The following WDR91 variants were observed in gnomAD, a reference collection of about 807,000 sequenced individuals.
WDR91 encodes WD repeat domain 91.
A neutral mutation model predicts 88.4 loss-of-function variants in WDR91; 52 were observed. That is an observed-to-expected ratio of 0.59 (90% confidence interval 0.47 to 0.74). WDR91 has a LOEUF of 0.74. WDR91 is among the 30% of genes least tolerant of loss of function. WDR91 has a pLI of 0.00. For missense variants in WDR91, 824 were observed against 954.5 expected (o/e 0.86, Z 1.80); for synonymous variants, 362 against 389.5 (o/e 0.93, Z 0.83).
In WDR91 at chr7:135,209,651, CAA is replaced by C; in HGVS notation, c.226_227del (p.Leu76GlyfsTer30). 1 of 1,613,604 alleles carries C rather than the reference CAA, an allele frequency of 6.2e-7. No individual in the cohort carries two copies. ...GGATTGTGGGTCTGTATATATCCTC[CAA>C]GCGGCTGAAGAGCCGACGCTCCAAG... Reference protein sequence around the residue: ...SYLERRLFSRLEDIYRPTIHK... With the variant: ...SYLERRLFSRXEDIYRPTIHK... On this transcript the variant is annotated frameshift_variant, in exon 2 of 15. Coordinates refer to ENST00000354475, the MANE Select transcript of WDR91 (RefSeq NM_014149.4). LOFTEE classifies it high-confidence loss of function.
chr7:135,203,556 T>C (rs781650504), intron 6 of WDR91, among the ~76,000 whole-genome samples: 36 of 152,138 alleles, frequency 2.4e-4, no homozygotes, highest in Non-Finnish European at 4.7e-4. Context: ...AAGTGAGAAA[T>C]AGTGAAAATC....
chr7:135,204,761 T>C (rs897224473), intron 5 of WDR91, among the ~76,000 whole-genome samples: 3 of 152,158 alleles, frequency 2.0e-5, no homozygotes, highest in Non-Finnish European at 4.4e-5. Context: ...AGATGTAAAA[T>C]TGACACTGGA....
At chr7:135,210,339 G>C (rs1415983696) in intron 1 of WDR91, among the ~76,000 whole-genome samples, 1 of 151,938 alleles carries the variant, frequency 6.6e-6, no homozygotes, top group Non-Finnish European at 1.5e-5. Context: ...GACAGAGTGA[G>C]ACTTTCTGTC....
At position 135,211,477 on chromosome 7, in the gene WDR91, T is replaced by A. The variant is rs771606045; in HGVS notation, c.26A>T (p.Asp9Val). Residue 9 changes from aspartate to valine, a missense_variant, in exon 1 of 15, where the codon GAC becomes GTC. Coordinates refer to ENST00000354475, the MANE Select transcript of WDR91 (RefSeq NM_014149.4). MAEAVERTDELVREYLLFR... is the reference protein window; with the variant it reads MAEAVERTVELVREYLLFR... Reference sequence around the variant, plus strand: ...GAGCAGGTACTCCCGGACCAGCTCGTCAGTGCGCTCCACGGCCTCCGCCAT... The same window carrying A: ...GAGCAGGTACTCCCGGACCAGCTCGACAGTGCGCTCCACGGCCTCCGCCAT... 1.2e-6 allele frequency: 2 copies of A among 1,611,724 alleles called. No homozygotes were observed. Among genetic ancestry groups the A allele is most frequent in the Non-Finnish European group, 1.7e-6 (2 of 1,179,140 alleles).
At chr7:135,189,797 T>A (rs1187598098) in intron 11 of WDR91, among the ~76,000 whole-genome samples, 5 of 152,098 alleles carry the variant, frequency 3.3e-5, no homozygotes, top group Non-Finnish European at 7.4e-5. Flanking sequence ...CCTCAGAAAA[T>A]AACACTTCAT....
At position 135,196,357 on chromosome 7, in the gene WDR91, G is replaced by A. The variant is rs1199041349; in HGVS notation, c.1051-20C>T. On this transcript the variant is annotated intron_variant, in intron 7 of 14. Transcript: ENST00000354475. This position sits in a 1 kb window ranked among gnomAD's most constrained non-coding sequence, Gnocchi z 4.2. Reference sequence around the variant, plus strand: ...TGCACACTGTCACAAGCAGGGTGGGGACAAGTCAGCCAGGAAAGGGTCCCC... The same window carrying A: ...TGCACACTGTCACAAGCAGGGTGGGAACAAGTCAGCCAGGAAAGGGTCCCC... The A allele has an allele frequency of 1.3e-6, 2 of 1,499,926 alleles. No homozygotes were observed. The highest frequency in any genetic ancestry group is 1.3e-5 in the South Asian group (1 of 75,966). The allele number at this position is 1,499,926 out of a possible 1,614,324, so 92.9% of individuals were successfully genotyped here. A position where few individuals can be genotyped will look rare whatever the true frequency, so the allele number is the denominator to read the frequency against.
intron 6 of WDR91, chr7:135,202,346 A>C (rs894223474): frequency 6.6e-6 from 1 of 152,252 alleles, no homozygotes; most frequent in Non-Finnish European, 1.5e-5. Flanking sequence ...ATCATCTACC[A>C]TTAATAAAAA....
At position 135,195,084 on chromosome 7, in the gene WDR91, T is replaced by G; in HGVS notation, c.1245A>C (p.Arg415Ser). Residue 415 changes from arginine to serine, a missense_variant and splice_region_variant, in exon 9 of 15, where the codon AGA (arginine) becomes AGC (serine). Transcript: ENST00000354475. ...CGACTCTCCTCCCAGAGCAGTCCAC[T>G]CTGAGATGAGAGAAAAGGGAGGCCT... ...GEHHSSIMHC[R>S]VDCSGRRVAS... is the part of the protein sequence containing the mutation. 1.2e-6 allele frequency: 2 copies of G among 1,612,144 alleles called. No homozygotes were observed. The highest frequency in any genetic ancestry group is 3.6e-4 in the Middle Eastern group (2 of 5,596).
chr7:135,195,911 C>T (rs1318050057), intron 8 of WDR91, among the ~76,000 whole-genome samples: 1 of 151,730 alleles, frequency 6.6e-6, no homozygotes, highest in Non-Finnish European at 1.5e-5. Flanking sequence ...CGTGCCACTG[C>T]ACTCCAGCCT....
At position 135,196,339 on chromosome 7, in the gene WDR91, T is replaced by C; in HGVS notation, c.1051-2A>G. On this transcript the variant is annotated splice_acceptor_variant, in intron 7 of 14. Transcript: ENST00000354475. LOFTEE classifies it high-confidence loss of function. This position sits in a 1 kb window ranked among gnomAD's most constrained non-coding sequence, Gnocchi z 4.2. ...GGCTTCTGGTTTCTTCTCTGCACACTGTCACAAGCAGGGTGGGGACAAGTC... is the reference window on the plus strand; with the variant it reads ...GGCTTCTGGTTTCTTCTCTGCACACCGTCACAAGCAGGGTGGGGACAAGTC... 6.5e-7 allele frequency: 1 copy of C among 1,533,256 alleles called. No homozygotes were observed. Among genetic ancestry groups the C allele is most frequent in the East Asian group, 2.4e-5 (1 of 41,572 alleles). The allele number at this position is 1,533,256 out of a possible 1,614,324, so 95.0% of individuals were successfully genotyped here.
chr7:135,200,137 T>C (rs1831518727), intron 6 of WDR91: 1 of 152,230 alleles, frequency 6.6e-6, no homozygotes, highest in Non-Finnish European at 1.5e-5. Context: ...TAACAAAAGA[T>C]AATAATATAT....
At chr7:135,189,202 A>C in intron 12 of WDR91, 142 bp downstream of exon 12, 1 of 645,242 alleles carries the variant, frequency 1.5e-6, no homozygotes, top group Non-Finnish European at 2.7e-6. Context: ...ACGTTGACCA[A>C]AGTTAAGCTG....
chr7:135,204,335 C>T lies in WDR91; in HGVS notation c.824G>A (p.Arg275Lys). ...LLPQSKKSPS[R>K]LSPAQGPPQP... ...AGGAGGGCCCTGAGCAGGCGACAAC[C>T]TTGAGGGGCTCTTCTTACTCTGAGG... is the stretch of plus-strand genomic sequence containing the variant. Residue 275 changes from arginine (R) to lysine (K), a missense_variant, in exon 6 of 15, where the codon AGG becomes AAG. By Grantham distance (26) the Arg-to-Lys change is conservative (BLOSUM62 2). Transcript: ENST00000354475. 1 of 1,614,160 alleles carries T rather than the reference C, an allele frequency of 6.2e-7. No homozygotes were observed. Among genetic ancestry groups the T allele is most frequent in the Non-Finnish European group, 8.5e-7 (1 of 1,180,032 alleles).
At position 135,211,476 on chromosome 7, in the gene WDR91, G is replaced by A. The variant is rs748121110; in HGVS notation, c.27C>T (p.Asp9=). 1.9e-6 allele frequency: 3 copies of A among 1,611,880 alleles called. No homozygotes were observed. The highest frequency in any genetic ancestry group is 1.3e-5 in the African/African-American group (1 of 74,690). Residue 9 remains aspartate (D), a synonymous_variant, in exon 1 of 15, where the codon GAC becomes GAT. Coordinates refer to ENST00000354475, the MANE Select transcript of WDR91 (RefSeq NM_014149.4). The stretch of plus-strand genomic sequence containing the variant: ...AGAGCAGGTACTCCCGGACCAGCTC[G>A]TCAGTGCGCTCCACGGCCTCCGCCA... MAEAVERT[D]ELVREYLLFR... is the part of the protein sequence containing the mutation.
intron 11 of WDR91, among the ~76,000 whole-genome samples, chr7:135,191,016 G>A (rs1296539566): frequency 1.3e-5 from 2 of 152,138 alleles, no homozygotes; most frequent in Non-Finnish European, 2.9e-5. Context: ...AATTTCAAAA[G>A]TTAAGAACCA....
chr7:135,188,458 A>G lies in WDR91; in HGVS notation c.1856T>C (p.Val619Ala), dbSNP rs1175728751. 3.1e-6 allele frequency: 5 copies of G among 1,614,072 alleles called. No individual in the cohort carries two copies. Among genetic ancestry groups the G allele is most frequent in the Non-Finnish European group, 4.2e-6 (5 of 1,179,990 alleles). ...SVEFSYDENT[V>A]YSIGEDGKFI... The stretch of plus-strand genomic sequence containing the variant: ...CTTCCCGTCCTCGCCGATGCTGTAC[A>G]CGGTGTTCTCATCATAGCTGAACTC... The change falls in exon 13 of 15, where the codon GTG becomes GCG. Residue 619 changes from valine to alanine, a missense_variant. Val to Ala is a moderately conservative substitution (Grantham distance 64). Coordinates refer to ENST00000354475, the MANE Select transcript of WDR91 (RefSeq NM_014149.4).
intron 1 of WDR91, 63 bp downstream of exon 1, chr7:135,211,317 G>T: frequency 1.3e-6 from 2 of 1,552,672 alleles, no homozygotes; most frequent in Non-Finnish European, 8.7e-7. Context: ...AGTGCTGGGG[G>T]GAAGCCCGCT....
intron 12 of WDR91, among the ~76,000 whole-genome samples, 180 bp downstream of exon 12, chr7:135,189,164 C>T (rs558121276): frequency 7.2e-4 from 109 of 152,284 alleles, no homozygotes; most frequent in African/African-American, 2.2e-3. Context: ...TAACTATGGG[C>T]GAGTTTATTA....
In WDR91 at chr7:135,209,686, A is replaced by G; in HGVS notation, c.193T>C (p.Trp65Arg). 6.2e-7 allele frequency: 1 copy of G among 1,613,734 alleles called. No individual in the cohort carries two copies. Among genetic ancestry groups the G allele is most frequent in the Non-Finnish European group, 8.5e-7 (1 of 1,179,796 alleles). The change falls in exon 2 of 15, where the codon TGG becomes CGG. Residue 65 changes from tryptophan (W) to arginine (R), a missense_variant. Physicochemically the swap from Trp to Arg is moderately radical, Grantham distance 101. Coordinates refer to ENST00000354475, the MANE Select transcript of WDR91 (RefSeq NM_014149.4). ...AAGAGCCGACGCTCCAAGTAGCTCCAATAATCCCGAAGGGCAGCCAAGTCA... is the reference window on the plus strand; with the variant it reads ...AAGAGCCGACGCTCCAAGTAGCTCCGATAATCCCGAAGGGCAGCCAAGTCA... ...VYDLAALRDYWSYLERRLFSR... is the reference protein window; with the variant it reads ...VYDLAALRDYRSYLERRLFSR...
Sources: allele counts gnomAD v4.1 joint callset (sites outside exome capture counted in the v4.1 genomes callset), GRCh38; gene constraint gnomAD v4.1.1; non-coding constraint Gnocchi (gnomAD v3.1); transcripts MANE v1.5; gene names NCBI Gene and HGNC (gene_info 2026-07-23, HGNC 2026-07-21).